The following SLCO5A1 variants were observed in gnomAD, a reference collection of about 807,000 sequenced individuals.
SLCO5A1 encodes solute carrier organic anion transporter family member 5A1.
In SLCO5A1, 39 loss-of-function variants were observed where a neutral mutation model predicts 65.1. The observed-to-expected ratio is 0.60, with a 90% CI of 0.46 to 0.78. The LOEUF (loss-of-function observed/expected upper bound fraction) is 0.78. Ranked by LOEUF, SLCO5A1 falls within the 30% of genes least tolerant of loss-of-function variation. The pLI, the probability that SLCO5A1 is intolerant of heterozygous loss-of-function variation, is 0.00. For missense variants in SLCO5A1, 1,029 were observed against 1,069.4 expected (o/e 0.96, Z 0.53); for synonymous variants, 438 against 415.7 (o/e 1.05, Z -0.65).
chr8:69,739,562 T>C (rs1816709564), intron 4 of SLCO5A1, among the ~76,000 whole-genome samples: 1 of 152,152 alleles, frequency 6.6e-6, no homozygotes, highest in African/African-American at 2.4e-5. Context: ...AAAATTAGCC[T>C]AGAATTTGTA....
chr8:69,762,045 T>G (rs1177540934), intron 2 of SLCO5A1, among the ~76,000 whole-genome samples, 170 bp from the exon 3 acceptor site: 1 of 152,240 alleles, frequency 6.6e-6, no homozygotes, highest in Non-Finnish European at 1.5e-5. Context: ...TTTTGAAGCT[T>G]GCCCTTTGTT....
At chr8:69,735,328 C>T (rs1401300428) in intron 5 of SLCO5A1, among the ~76,000 whole-genome samples, 2 of 152,004 alleles carry the variant, frequency 1.3e-5, no homozygotes, top group Admixed American at 1.3e-4. Flanking sequence ...GGGGATATAC[C>T]CAAAGGAATA....
intron 6 of SLCO5A1, among the ~76,000 whole-genome samples, chr8:69,701,025 G>T (rs2130806775): frequency 6.6e-6 from 1 of 152,086 alleles, no homozygotes; most frequent in East Asian, 1.9e-4. Context: ...ATGACAGCCG[G>T]GCAGCCAGCC....
In SLCO5A1 at chr8:69,673,351, T is replaced by C. The variant is rs757758084; in HGVS notation, c.2090-25A>G. On this transcript the variant is annotated intron_variant, in intron 9 of 9. Transcript: ENST00000260126. The stretch of plus-strand genomic sequence containing the variant: ...GCTAGAGGGGTGGAGAAGAAGAAAA[T>C]ACGAAGACTTAGCACATCTTCCAAG... 5.7e-6 allele frequency: 9 copies of C among 1,579,526 alleles called. No homozygotes were observed. The East Asian group carries it at 2.0e-4, about 36-fold the overall frequency.
chr8:69,794,901 C>A (rs1181993737), intron 2 of SLCO5A1, among the ~76,000 whole-genome samples: 4 of 152,202 alleles, frequency 2.6e-5, no homozygotes, highest in Non-Finnish European at 5.9e-5. Flanking sequence ...GAAGCTGGTT[C>A]TTCACATAGC....
chr8:69,745,944 A>G (rs1361312523), intron 4 of SLCO5A1, among the ~76,000 whole-genome samples: 1 of 152,168 alleles, frequency 6.6e-6, no homozygotes, highest in Non-Finnish European at 1.5e-5. Context: ...ATGAACATGT[A>G]TTACTTTTAG....
intron 6 of SLCO5A1, among the ~76,000 whole-genome samples, chr8:69,699,445 G>A (rs936724016): frequency 2.0e-5 from 3 of 152,150 alleles, no homozygotes; most frequent in African/African-American, 7.2e-5. Flanking sequence ...AGGAACTGAA[G>A]CACCTCAGAG....
At chr8:69,723,223 T>C (rs1428655102) in intron 5 of SLCO5A1, among the ~76,000 whole-genome samples, 1 of 152,182 alleles carries the variant, frequency 6.6e-6, no homozygotes, top group African/African-American at 2.4e-5. Context: ...TGATGAATGT[T>C]TGAATACAAA....
intron 2 of SLCO5A1, among the ~76,000 whole-genome samples, chr8:69,782,947 C>CT (rs1818862231): frequency 6.6e-6 from 1 of 151,836 alleles, no homozygotes; most frequent in Non-Finnish European, 1.5e-5. Context: ...CTATCAGGGA[C>CT]TGGCTCTGTG....
At chr8:69,769,605 T>C (rs1818226986) in intron 2 of SLCO5A1, among the ~76,000 whole-genome samples, 1 of 152,254 alleles carries the variant, frequency 6.6e-6, no homozygotes, top group South Asian at 2.1e-4. Flanking sequence ...ATATTAATTT[T>C]GTATAGATAA....
At chr8:69,763,117 C>T (rs2130865586) in intron 2 of SLCO5A1, among the ~76,000 whole-genome samples, 1 of 152,276 alleles carries the variant, frequency 6.6e-6, no homozygotes, top group East Asian at 1.9e-4. Flanking sequence ...TAAGAGCAGC[C>T]TGGCCAACAT....
intron 2 of SLCO5A1, among the ~76,000 whole-genome samples, chr8:69,810,542 A>G (rs1430830771): frequency 1.3e-5 from 2 of 152,206 alleles, no homozygotes; most frequent in East Asian, 1.9e-4. Context: ...ATGTTGGCCA[A>G]TTTCAGGAAT....
intron 2 of SLCO5A1, among the ~76,000 whole-genome samples, chr8:69,764,152 C>T (rs541286229): frequency 6.6e-6 from 1 of 152,324 alleles, no homozygotes; most frequent in South Asian, 2.1e-4. Flanking sequence ...CGTGAGTCAC[C>T]ACACCCAGCC....
At chr8:69,792,958 T>G (rs1819333770) in intron 2 of SLCO5A1, among the ~76,000 whole-genome samples, 1 of 151,986 alleles carries the variant, frequency 6.6e-6, no homozygotes, top group African/African-American at 2.4e-5. Context: ...TTTTTGTTGT[T>G]GTTGTTGTTT....
At chr8:69,715,989 C>T (rs549506615) in intron 5 of SLCO5A1, among the ~76,000 whole-genome samples, 17 of 152,280 alleles carry the variant, frequency 1.1e-4, no homozygotes, top group South Asian at 2.1e-4. Context: ...CCTCCCTTGC[C>T]CCGCACTGCT....
intron 5 of SLCO5A1, among the ~76,000 whole-genome samples, chr8:69,732,814 A>G (rs1816393509): frequency 2.0e-5 from 3 of 152,072 alleles, no homozygotes; most frequent in Admixed American, 2.0e-4. Context: ...ACTTGAACCC[A>G]AGAGGCAGAG....
intron 2 of SLCO5A1, among the ~76,000 whole-genome samples, chr8:69,777,028 C>T (rs907936812): frequency 1.3e-5 from 2 of 152,198 alleles, no homozygotes; most frequent in African/African-American, 4.8e-5. Flanking sequence ...CAAACATATA[C>T]ATATCACTTG....
intron 4 of SLCO5A1, among the ~76,000 whole-genome samples, chr8:69,753,380 G>A (rs930733451): frequency 2.6e-5 from 4 of 152,180 alleles, no homozygotes; most frequent in African/African-American, 9.7e-5. Context: ...CAGGAGCCAA[G>A]CAGTTTTCTC....
intron 5 of SLCO5A1, among the ~76,000 whole-genome samples, chr8:69,734,168 G>A (rs1218118121): frequency 6.6e-6 from 1 of 152,168 alleles, no homozygotes; most frequent in Admixed American, 6.5e-5. Context: ...GAGAAGTGGA[G>A]CTGAAGGTCC....
Sources: allele counts gnomAD v4.1 joint callset (sites outside exome capture counted in the v4.1 genomes callset), GRCh38; gene constraint gnomAD v4.1.1; transcripts MANE v1.5; gene names NCBI Gene and HGNC (gene_info 2026-07-23, HGNC 2026-07-21).